PPA1: variants seen among roughly 807,000 people sequenced by gnomAD.
The protein encoded by PPA1 is inorganic pyrophosphatase.
Under a neutral mutation model 41.8 loss-of-function variants are expected in PPA1, and 23 were observed. The ratio of observed to expected loss-of-function variants is 0.55; its 90% CI spans 0.40 to 0.78. The LOEUF (loss-of-function observed/expected upper bound fraction) is 0.78, where lower values mean the gene tolerates loss of function less well. Ranked by LOEUF, PPA1 falls within the 30% of genes least tolerant of loss-of-function variation. The pLI, the probability that PPA1 is intolerant of heterozygous loss-of-function variation, is 0.00. For missense variants in PPA1, 320 were observed against 361.6 expected (o/e 0.89, Z 0.93); for synonymous variants, 101 against 116.8 (o/e 0.86, Z 0.87).
rs74968971 is a variant in PPA1 at position 70,207,499 on chromosome 10, T to C, written c.726-1166A>G. Reference sequence around the variant, plus strand: ...GCCTGGACAACACAGCAAGACACTGTCTCTACAACAAATTTAAAAATCATC... The same window carrying C: ...GCCTGGACAACACAGCAAGACACTGCCTCTACAACAAATTTAAAAATCATC... On this transcript the variant is annotated intron_variant, in intron 8 of 10. Transcript: ENST00000373232. 1.9e-3 allele frequency among the ~76,000 whole-genome samples: 295 copies of C among 152,262 alleles called. 1 individual carries two copies. The highest frequency in any genetic ancestry group is 6.8e-3 in the African/African-American group (283 of 41,546).
chr10:70,217,691 G>T, intron 4 of PPA1, 121 bp downstream of exon 4: 1 of 842,760 alleles, frequency 1.2e-6, no homozygotes, highest in Non-Finnish European at 1.7e-6. Flanking sequence ...CCCTTCTTAT[G>T]TTTTCAAAAT....
chr10:70,229,013 T>C (rs1049141071), intron 2 of PPA1, among the ~76,000 whole-genome samples: 2 of 152,184 alleles, frequency 1.3e-5, no homozygotes, highest in Non-Finnish European at 2.9e-5. Flanking sequence ...CTCAAAAACC[T>C]TTGTACTCAA....
intron 4 of PPA1, among the ~76,000 whole-genome samples, chr10:70,215,822 G>A (rs924359315): frequency 2.0e-4 from 30 of 152,126 alleles, no homozygotes; most frequent in Non-Finnish European, 4.4e-5. Context: ...TCACTGACCA[G>A]GAGCCCGGAC....
rs192304389 is a variant in PPA1, at chr10:70,203,499, G to T, written c.839-313C>A. On this transcript the variant is annotated intron_variant, in intron 10 of 10. Transcript: ENST00000373232. ...GCTCACTGCAACCTCCATCTTCCAG[G>T]TTCAAGCAATTCTCGTGCCTCAGTC... The T allele has an allele frequency of 3.6e-3, 896 of 247,364 alleles. 2 individuals carry two copies. The highest frequency in any genetic ancestry group is 0.015 in the African/African-American group (651 of 43,688). The allele number at this position is 247,364 out of a possible 1,614,324, so 15.3% of individuals were successfully genotyped here. A position where few individuals can be genotyped will look rare whatever the true frequency, so the allele number is the denominator to read the frequency against.
Position 70,232,890 on chromosome 10 carries a change from G to A in PPA1, c.64+374C>T, listed in dbSNP as rs141067841. On this transcript the variant is annotated intron_variant, in intron 1 of 10. Transcript: ENST00000373232. ...CCCGGAGTCGCCTTTTCTCCAAACT[G>A]AGCAATCCTCTTACGGGAATTATGT... 4.6e-4 allele frequency among the ~76,000 whole-genome samples: 70 copies of A among 151,088 alleles called. No homozygotes were observed. The East Asian group carries it at 6.8e-3, about 15-fold the overall frequency.
At chr10:70,230,430 A>G (rs142621061) in intron 1 of PPA1, 31 bp from the exon 2 acceptor site, 42,738 of 1,567,998 alleles carry the variant, frequency 0.027, 696 homozygotes, top group Non-Finnish European at 0.033. Flanking sequence ...AGTTATTACT[A>G]TAATTAATTG....
chr10:70,206,827 A>G (rs1193930344), intron 8 of PPA1, among the ~76,000 whole-genome samples: 1 of 123,102 alleles, frequency 8.1e-6, no homozygotes, highest in Non-Finnish European at 1.6e-5. Context: ...CTGGTGACAG[A>G]GCAAGACTGC....
chr10:70,224,121 C>T (rs1035725408), intron 2 of PPA1, among the ~76,000 whole-genome samples: 11 of 151,758 alleles, frequency 7.2e-5, no homozygotes, highest in African/African-American at 2.4e-4. Flanking sequence ...ATATAACTGT[C>T]TATTTCAGGC....
At chr10:70,206,359 T>TA (rs1364790597) in intron 8 of PPA1, 26 bp from the exon 9 acceptor site, 1 of 1,532,008 alleles carries the variant, frequency 6.5e-7, no homozygotes, top group Non-Finnish European at 9.0e-7. Context: ...AAAGTAGTCA[T>TA]AAGACAAAAT....
intron 8 of PPA1, among the ~76,000 whole-genome samples, chr10:70,208,613 G>A (rs971829645): frequency 4.6e-5 from 7 of 152,036 alleles, no homozygotes; most frequent in Admixed American, 2.6e-4. Context: ...ACAGGAATGA[G>A]CCATATAGCA....
intron 8 of PPA1, 109 bp downstream of exon 8, chr10:70,209,096 G>C (rs1021057767): frequency 1.3e-6 from 1 of 750,368 alleles, no homozygotes; most frequent in African/African-American, 1.8e-5. Context: ...ACCCAGCCTT[G>C]TATCTCTTTT....
At chr10:70,221,824 G>C (rs965581287) in intron 2 of PPA1, among the ~76,000 whole-genome samples, 45 of 152,064 alleles carry the variant, frequency 3.0e-4, no homozygotes, top group African/African-American at 8.9e-4. Context: ...AGCAGATAGA[G>C]CTAAAATAAC....
At position 70,218,755 on chromosome 10, in the gene PPA1, A is replaced by C. The variant is rs1840104830; in HGVS notation, c.177+9T>G. The C allele has an allele frequency of 6.3e-7, 1 of 1,598,316 alleles. No homozygotes were observed. Among genetic ancestry groups the C allele is most frequent in the Admixed American group, 1.7e-5 (1 of 59,926 alleles). ...CTAAGTCTGACTCAAATGTAAGGTG[A>C]AATATTACCTCCATTTTTGCATTAG... On this transcript the variant is annotated intron_variant, in intron 3 of 10. Transcript: ENST00000373232.
At chr10:70,217,231 C>G (rs947347941) in intron 4 of PPA1, among the ~76,000 whole-genome samples, 3 of 151,194 alleles carry the variant, frequency 2.0e-5, no homozygotes, top group Admixed American at 6.6e-5. Context: ...ATTACTTTAC[C>G]ACAAAGAGCT....
intron 2 of PPA1, among the ~76,000 whole-genome samples, chr10:70,224,896 A>G (rs1358728782): frequency 6.6e-6 from 1 of 151,604 alleles, no homozygotes; most frequent in Admixed American, 6.6e-5. Flanking sequence ...ATGCCCAGCT[A>G]ATTTTTGTAT....
chr10:70,208,218 C>T (rs544328369), intron 8 of PPA1, among the ~76,000 whole-genome samples: 140 of 152,212 alleles, frequency 9.2e-4, no homozygotes, highest in African/African-American at 3.3e-3. Context: ...AAGAAATACA[C>T]CATCAAAATG....
intron 2 of PPA1, among the ~76,000 whole-genome samples, chr10:70,220,649 A>ACATATATAATATATATAATT (rs1840136336): frequency 1.9e-4 from 1 of 5,208 alleles, no homozygotes; most frequent in African/African-American, 1.2e-3. Flanking sequence ...TATATAATTT[A>ACATATATAATATATATAATT]TATATATATT....
intron 1 of PPA1, among the ~76,000 whole-genome samples, chr10:70,232,102 C>T (rs1053427148): frequency 2.0e-5 from 3 of 152,134 alleles, no homozygotes; most frequent in African/African-American, 7.2e-5. Flanking sequence ...CTCACCCTTC[C>T]TGGATTTTAC....
intron 1 of PPA1, among the ~76,000 whole-genome samples, chr10:70,233,005 C>G (rs1332170855): frequency 3.3e-5 from 5 of 152,154 alleles, no homozygotes. Context: ...CTAGCTGGGC[C>G]CAGGTTCGGG....
Sources: gnomAD v4.1 joint callset for allele counts (sites outside exome capture counted in the v4.1 genomes callset) on GRCh38, gnomAD v4.1.1 for gene constraint, MANE v1.5 for transcripts, NCBI Gene and HGNC (gene_info 2026-07-23, HGNC 2026-07-21) for gene names.